The following LRIG1 variants were observed in gnomAD, a reference collection of about 807,000 sequenced individuals.
The protein encoded by LRIG1 is leucine rich repeats and immunoglobulin like domains 1, also known as leucine-rich repeats and immunoglobulin-like domains protein 1.
A neutral mutation model predicts 99.2 loss-of-function variants in LRIG1; 48 were observed. That is an observed-to-expected ratio of 0.48 (90% CI 0.38 to 0.62). LRIG1 has a LOEUF of 0.62. Ranked by LOEUF, LRIG1 falls within the 20% of genes least tolerant of loss-of-function variation. The pLI is 0.00. For synonymous variants in LRIG1, 772 were observed against 596.1 expected (o/e 1.29, Z -4.30); for missense variants, 1,646 against 1,434.4 (o/e 1.15, Z -2.38).
chr3:66,380,314 T>A lies in LRIG1; in HGVS notation c.3231A>T (p.Gly1077=). 5.0e-6 allele frequency: 8 copies of A among 1,614,162 alleles called. No individual in the cohort carries two copies. The highest frequency in any genetic ancestry group is 4.2e-6 in the Non-Finnish European group (5 of 1,180,002). The change falls in exon 19 of 19, where the codon GGA becomes GGT. Residue 1077 remains glycine (G), a synonymous_variant. Coordinates refer to ENST00000273261, the MANE Select transcript of LRIG1 (RefSeq NM_015541.3). The part of the protein sequence containing the change: ...DASPESTPLT[G]QLPGKQRVPL... ...GCACCCTCTGTTTCCCGGGGAGCTG[T>A]CCTGTCAGTGGCGTGGACTCGGGAC...
rs565901651 is a variant in LRIG1, at chr3:66,434,517, C to T, written c.365+17042G>A. Among the ~76,000 whole-genome samples the T allele has an allele frequency of 5.3e-5, 8 of 152,150 alleles. No individual in the cohort carries two copies. In the East Asian group the frequency reaches 7.7e-4, roughly 15 times the overall value. ...ATCCCAGTACTTTGGGAGGCTGAGGCGGGTGGATCATTTGAGGTCAGGAGT... is the reference window on the plus strand; with the variant it reads ...ATCCCAGTACTTTGGGAGGCTGAGGTGGGTGGATCATTTGAGGTCAGGAGT... On this transcript the variant is annotated intron_variant, in intron 3 of 18. Coordinates refer to ENST00000273261, the MANE Select transcript of LRIG1 (RefSeq NM_015541.3).
chr3:66,490,637 C>G (rs1701080779), intron 1 of LRIG1, among the ~76,000 whole-genome samples: 1 of 40,832 alleles, frequency 2.4e-5, no homozygotes, highest in South Asian at 2.1e-3. Context: ...CTTTTCTGCC[C>G]CATAATTTAA....
chr3:66,496,565 A>AC (rs754759308), intron 1 of LRIG1, among the ~76,000 whole-genome samples: 17 of 152,214 alleles, frequency 1.1e-4, no homozygotes, highest in Non-Finnish European at 2.1e-4. Context: ...GAGCACTTGC[A>AC]CCTTTCAGAC....
intron 5 of LRIG1, 135 bp downstream of exon 5, chr3:66,414,785 C>T: frequency 1.1e-6 from 1 of 902,236 alleles, no homozygotes; most frequent in Non-Finnish European, 1.6e-6. Context: ...TGAGGTGCTG[C>T]CATTAATGGT....
intron 6 of LRIG1, among the ~76,000 whole-genome samples, chr3:66,412,484 G>A (rs1416957951): frequency 6.6e-6 from 1 of 152,226 alleles, no homozygotes; most frequent in Non-Finnish European, 1.5e-5. Flanking sequence ...TCCCCCAAGT[G>A]GATTTCAGTG....
intron 3 of LRIG1, among the ~76,000 whole-genome samples, chr3:66,422,398 C>G (rs1308947452): frequency 1.3e-5 from 2 of 152,198 alleles, no homozygotes; most frequent in African/African-American, 4.8e-5. Context: ...AAATTTATTC[C>G]ATCAGATACC....
chr3:66,411,324 C>CCA, intron 6 of LRIG1, among the ~76,000 whole-genome samples: 1 of 152,218 alleles, frequency 6.6e-6, no homozygotes, highest in Middle Eastern at 3.2e-3. Context: ...AAGGTAAGCA[C>CCA]TTAATGTATA....
Position 66,398,070 on chromosome 3 carries a change from C to T in LRIG1, c.1304+42G>A, listed in dbSNP as rs753863617. ...TGCAGAAGTTTCTTACTCTGAAAGT[C>T]TCCACTACCATTAATCAGACCCAGG... On this transcript the variant is annotated intron_variant, in intron 11 of 18. Coordinates refer to ENST00000273261, the MANE Select transcript of LRIG1 (RefSeq NM_015541.3). 3 of 1,462,900 alleles carry T rather than the reference C, an allele frequency of 2.1e-6. No homozygotes were observed. In the South Asian group the frequency reaches 3.5e-5, roughly 17 times the overall value. 90.6% of individuals were successfully genotyped at this position (1,462,900 alleles called of 1,614,324 possible).
intron 3 of LRIG1, among the ~76,000 whole-genome samples, chr3:66,419,580 A>G (rs1001340683): frequency 6.6e-6 from 1 of 152,128 alleles, no homozygotes; most frequent in Non-Finnish European, 1.5e-5. Context: ...AGAAGCCAGG[A>G]GCTTGGATCA....
At chr3:66,469,066 T>C (rs747900998) in intron 1 of LRIG1, 18 of 152,228 alleles carry the variant, frequency 1.2e-4, no homozygotes, top group Non-Finnish European at 1.5e-4. Flanking sequence ...AAGGCTTATA[T>C]TAAGATGACA....
At chr3:66,446,107 T>C (rs776912416) in intron 3 of LRIG1, among the ~76,000 whole-genome samples, 1 of 152,216 alleles carries the variant, frequency 6.6e-6, no homozygotes, top group Non-Finnish European at 1.5e-5. Flanking sequence ...AAGATTGATT[T>C]CGCCCCTCTT....
At chr3:66,479,793 T>C (rs1480717416) in intron 1 of LRIG1, among the ~76,000 whole-genome samples, 1 of 152,144 alleles carries the variant, frequency 6.6e-6, no homozygotes, top group Non-Finnish European at 1.5e-5. Context: ...AGACAGATAA[T>C]AGCAAGTGCT....
At chr3:66,487,923 T>C (rs983068716) in intron 1 of LRIG1, among the ~76,000 whole-genome samples, 1 of 152,182 alleles carries the variant, frequency 6.6e-6, no homozygotes, top group Admixed American at 6.5e-5. Context: ...TCCAGACCAC[T>C]AACTGTTCCT....
chr3:66,439,469 A>G (rs1703469731), intron 3 of LRIG1, among the ~76,000 whole-genome samples: 1 of 152,184 alleles, frequency 6.6e-6, no homozygotes, highest in African/African-American at 2.4e-5. Context: ...ATCCCATTAT[A>G]CAATTATCCA....
intron 7 of LRIG1, among the ~76,000 whole-genome samples, chr3:66,408,534 G>C (rs566210133): frequency 1.3e-5 from 2 of 152,314 alleles, no homozygotes; most frequent in East Asian, 1.9e-4. Flanking sequence ...CCACCAGCTA[G>C]AGAGGGGATC....
At chr3:66,484,522 G>A (rs1458425166) in intron 1 of LRIG1, among the ~76,000 whole-genome samples, 1 of 152,200 alleles carries the variant, frequency 6.6e-6, no homozygotes, top group Non-Finnish European at 1.5e-5. Flanking sequence ...GTTTAAGACA[G>A]ATGAACAGAA....
chr3:66,442,763 G>T (rs1559801720), intron 3 of LRIG1, among the ~76,000 whole-genome samples: 1 of 152,084 alleles, frequency 6.6e-6, no homozygotes, highest in Non-Finnish European at 1.5e-5. Flanking sequence ...GGGCGGGGTG[G>T]TGGAAAGGAA....
intron 14 of LRIG1, among the ~76,000 whole-genome samples, 159 bp from the exon 15 acceptor site, chr3:66,383,560 A>G (rs1165011875): frequency 1.3e-5 from 2 of 152,180 alleles, no homozygotes; most frequent in Non-Finnish European, 2.9e-5. Context: ...CAACTCATTG[A>G]CTGAGTCATC....
intron 8 of LRIG1, chr3:66,405,704 A>G (rs981842108): frequency 2.7e-6 from 3 of 1,100,972 alleles, no homozygotes; most frequent in East Asian, 6.9e-5. Flanking sequence ...CAGAAAGCAC[A>G]TGGAAGAAAG....
Sources: gnomAD v4.1 joint callset for allele counts (sites outside exome capture counted in the v4.1 genomes callset) on GRCh38, gnomAD v4.1.1 for gene constraint, MANE v1.5 for transcripts, NCBI Gene and HGNC (gene_info 2026-07-23, HGNC 2026-07-21) for gene names.